CFAP43: variants seen among roughly 807,000 people sequenced by gnomAD.
CFAP43 encodes the protein cilia and flagella associated protein 43.
CFAP43 carries 155 observed loss-of-function variants against 218.9 expected under a neutral mutation model. The observed-to-expected ratio is 0.71, with a 90% confidence interval of 0.62 to 0.81. The LOEUF is 0.81. Among genes scored for constraint, CFAP43 ranks in the 30% least tolerant of loss-of-function variants. CFAP43 has a pLI of 0.00. For missense variants in CFAP43, 1,778 were observed against 1,954.3 expected, an observed-to-expected ratio of 0.91 and a Z score of 1.70; for synonymous variants, 645 against 681.3, an observed-to-expected ratio of 0.95 and a Z score of 0.83.
At chr10:104,172,622 C>G (rs1032243861) in intron 19 of CFAP43, 87 bp from the exon 20 acceptor site, 23 of 1,175,276 alleles carry the variant, frequency 2.0e-5, no homozygotes, top group Non-Finnish European at 2.5e-5. Context: ...AGGCAGCAAT[C>G]AATAAAAAAT....
In CFAP43 at chr10:104,130,285, T is replaced by G; in HGVS notation, c.4852A>C (p.Lys1618Gln). 1 of 1,611,398 alleles carries G rather than the reference T, an allele frequency of 6.2e-7. No individual in the cohort carries two copies. The highest frequency in any genetic ancestry group is 8.5e-7 in the Non-Finnish European group (1 of 1,179,552). Reference protein sequence around the residue: ...NAMGSKLTCEKIVKERYENMM... With the variant: ...NAMGSKLTCEQIVKERYENMM... ...TTTTCATACCGTTCTTTGACAATCT[T>G]TTCACAAGTCAGTTTAGACCCTATC... Residue 1618 changes from lysine (K) to glutamine (Q), a missense_variant, in exon 38 of 38, where the codon AAG (lysine) becomes CAG (glutamine). By Grantham distance (53) the Lys-to-Gln change is moderately conservative. Coordinates refer to ENST00000357060, the MANE Select transcript of CFAP43 (RefSeq NM_025145.7).
chr10:104,166,567 C>T lies in CFAP43; in HGVS notation c.2960G>A (p.Gly987Glu), dbSNP rs747162721. 1.2e-6 allele frequency: 2 copies of T among 1,614,070 alleles called. No individual in the cohort carries two copies. Among genetic ancestry groups the T allele is most frequent in the East Asian group, 2.2e-5 (1 of 44,862 alleles). The stretch of plus-strand genomic sequence containing the variant: ...GCTTGACAATAAAGAGGTATCTACC[C>T]CAAAATCAGTACTCAGACTACCAAG... ...YLLGSLSTDF[G>E]VDTSLLSSQL... Residue 987 changes from glycine (G) to glutamate (E), a missense_variant, in exon 23 of 38, where the codon GGG becomes GAG. By Grantham distance (98) the Gly-to-Glu change is moderately conservative. Around this residue, in one of 3 missense-constraint regions of CFAP43, gnomAD observed 1,553 missense variants for 1,685.2 expected, o/e 0.92. Coordinates refer to ENST00000357060, the MANE Select transcript of CFAP43 (RefSeq NM_025145.7).
chr10:104,212,228 A>G, intron 4 of CFAP43, 71 bp from the exon 5 acceptor site: 1 of 1,457,990 alleles, frequency 6.9e-7, no homozygotes, highest in East Asian at 2.4e-5. Flanking sequence ...ACTGCATATC[A>G]GTTTAAGTGA....
intron 34 of CFAP43, 94 bp from the exon 35 acceptor site, chr10:104,133,878 G>A (rs969343936): frequency 1.3e-5 from 15 of 1,155,770 alleles, no homozygotes; most frequent in South Asian, 1.9e-5. Flanking sequence ...AAAATACTTG[G>A]GTCACAGAGA....
At chr10:104,161,228 C>A (rs2088853345) in intron 26 of CFAP43, 66 bp from the exon 27 acceptor site, 1 of 1,517,058 alleles carries the variant, frequency 6.6e-7, no homozygotes. Flanking sequence ...AGTAAAAGCT[C>A]AGAGTTTTTT....
chr10:104,142,296 A>T lies in CFAP43; in HGVS notation c.4256T>A (p.Phe1419Tyr), dbSNP rs754501848. 4.3e-6 allele frequency: 7 copies of T among 1,612,904 alleles called. No homozygotes were observed. Among genetic ancestry groups the T allele is most frequent in the Non-Finnish European group, 5.9e-6 (7 of 1,179,514 alleles). ...EKVQQEIERV[F>Y]HELILLQEEK... ...TTCAAATTACAGGATGAGTTCATGGAACACTCTCTCAATCTCCTGTTGCAC... is the reference window on the plus strand; with the variant it reads ...TTCAAATTACAGGATGAGTTCATGGTACACTCTCTCAATCTCCTGTTGCAC... Residue 1419 changes from phenylalanine to tyrosine, a missense_variant, in exon 33 of 38, where the codon TTC (phenylalanine) becomes TAC (tyrosine). Physicochemically the swap from Phe to Tyr is conservative, Grantham distance 22. Coordinates refer to ENST00000357060, the MANE Select transcript of CFAP43 (RefSeq NM_025145.7).
chr10:104,203,881 G>C (rs566147145), intron 7 of CFAP43, 78 bp from the exon 8 acceptor site: 1 of 1,291,306 alleles, frequency 7.7e-7, no homozygotes, highest in Admixed American at 2.9e-5. Flanking sequence ...ACAAGCTAAG[G>C]CTTATTGATT....
At chr10:104,226,843 A>G (rs1430566803) in intron 2 of CFAP43, among the ~76,000 whole-genome samples, 1 of 152,012 alleles carries the variant, frequency 6.6e-6, no homozygotes, top group African/African-American at 2.4e-5. Context: ...ACATGGTAAA[A>G]CCTCGTCTCT....
At chr10:104,158,676 C>T (rs2088708321) in intron 27 of CFAP43, among the ~76,000 whole-genome samples, 1 of 152,074 alleles carries the variant, frequency 6.6e-6, no homozygotes, top group Non-Finnish European at 1.5e-5. Context: ...ACTTGGACAA[C>T]AGGGTAATCT....
intron 27 of CFAP43, among the ~76,000 whole-genome samples, chr10:104,159,407 G>A (rs1444545645): frequency 6.6e-6 from 1 of 152,048 alleles, no homozygotes; most frequent in Non-Finnish European, 1.5e-5. Flanking sequence ...GATGAGAGAT[G>A]TATACAATTA....
intron 13 of CFAP43, 42 bp from the exon 14 acceptor site, chr10:104,187,534 A>C: frequency 3.5e-6 from 5 of 1,448,152 alleles, no homozygotes; most frequent in Non-Finnish European, 4.6e-6. Context: ...TTGTACCATA[A>C]ATTAATTTTG....
intron 34 of CFAP43, among the ~76,000 whole-genome samples, chr10:104,134,736 C>T (rs569426097): frequency 6.6e-6 from 1 of 152,020 alleles, no homozygotes; most frequent in South Asian, 2.1e-4. Flanking sequence ...AATCAGTTAT[C>T]AAAAACCTCC....
chr10:104,185,589 T>C (rs1181684355), intron 15 of CFAP43, among the ~76,000 whole-genome samples: 1 of 152,238 alleles, frequency 6.6e-6, no homozygotes, highest in Non-Finnish European at 1.5e-5. Flanking sequence ...GAAGATAACA[T>C]GCTCTGAAGG....
In CFAP43 at chr10:104,188,360, C is replaced by A. The variant is rs370070510; in HGVS notation, c.1597G>T (p.Asp533Tyr). The change falls in exon 13 of 38, where the codon GAC becomes TAC. Residue 533 changes from aspartate to tyrosine, a missense_variant. Asp to Tyr is a radical substitution (Grantham distance 160). Around this residue, in one of 3 missense-constraint regions of CFAP43, gnomAD observed 1,553 missense variants for 1,685.2 expected, o/e 0.92. Transcript: ENST00000357060. Reference sequence around the variant, plus strand: ...GAAAGCACCATCACTTCCACTATGTCTGTTTCTAAAAGAGACACTGTGGAT... The same window carrying A: ...GAAAGCACCATCACTTCCACTATGTATGTTTCTAAAAGAGACACTGTGGAT... ...QISTVSLLET[D>Y]IVEVMVLSSL... The A allele has an allele frequency of 5.6e-6, 9 of 1,614,048 alleles. No homozygotes were observed. The highest frequency in any genetic ancestry group is 1.6e-4 in the Middle Eastern group (1 of 6,078).
chr10:104,148,566 G>A (rs2088094295), intron 28 of CFAP43, among the ~76,000 whole-genome samples: 1 of 152,080 alleles, frequency 6.6e-6, no homozygotes, highest in African/African-American at 2.4e-5. Flanking sequence ...TCAGGGGTGA[G>A]TGAGTTTATA....
At chr10:104,167,915 T>C (rs2089243792) in intron 21 of CFAP43, among the ~76,000 whole-genome samples, 178 bp from the exon 22 acceptor site, 1 of 152,228 alleles carries the variant, frequency 6.6e-6, no homozygotes, top group South Asian at 2.1e-4. Context: ...AGTATTGGTA[T>C]AAACTTTATA....
At chr10:104,191,795 G>T (rs967036015) in intron 12 of CFAP43, among the ~76,000 whole-genome samples, 3 of 148,132 alleles carry the variant, frequency 2.0e-5, no homozygotes, top group African/African-American at 4.9e-5. Flanking sequence ...TGTGTGGGGG[G>T]GGGGAAACAC....
chr10:104,172,303 A>T, intron 20 of CFAP43, 107 bp downstream of exon 20: 1 of 1,371,392 alleles, frequency 7.3e-7, no homozygotes, highest in African/African-American at 1.5e-5. Flanking sequence ...CATTATACTG[A>T]AAAAGGTTTT....
chr10:104,135,042 T>C (rs2087373467), intron 34 of CFAP43, among the ~76,000 whole-genome samples: 1 of 152,106 alleles, frequency 6.6e-6, no homozygotes, highest in Non-Finnish European at 1.5e-5. Context: ...TGACCAAGTG[T>C]CATTTATCCT....
Sources: gnomAD v4.1 joint callset for allele counts (sites outside exome capture counted in the v4.1 genomes callset) on GRCh38, gnomAD v4.1.1 for gene constraint, gnomAD v4.1.1 regional missense constraint, MANE v1.5 for transcripts, NCBI Gene and HGNC (gene_info 2026-07-23, HGNC 2026-07-21) for gene names.